ADK: variants seen among roughly 807,000 people sequenced by gnomAD.
ADK encodes N6,N6-dimethyladenosine kinase.
Under a neutral mutation model 44.7 loss-of-function variants are expected in ADK, and 24 were observed. The ratio of observed to expected loss-of-function variants is 0.54; its 90% CI spans 0.39 to 0.76. ADK has a LOEUF of 0.76. ADK is among the 30% of genes least tolerant of loss of function. The pLI, the probability that ADK is intolerant of heterozygous loss-of-function variation, is 0.00. For synonymous variants in ADK, 128 were observed against 142.6 expected (o/e 0.90, Z 0.73); for missense variants, 321 against 425.1 (o/e 0.76, Z 2.15).
intron 10 of ADK, among the ~76,000 whole-genome samples, chr10:74,703,009 A>G (rs1360941601): frequency 6.6e-6 from 1 of 152,214 alleles, no homozygotes; most frequent in Non-Finnish European, 1.5e-5. Flanking sequence ...CAGAATTCCT[A>G]TCACCAGTGC....
At chr10:74,390,799 G>A (rs1368083036) in intron 4 of ADK, among the ~76,000 whole-genome samples, 6 of 152,138 alleles carry the variant, frequency 3.9e-5, no homozygotes. Flanking sequence ...ATTGTAATAT[G>A]TGCCACCTTG....
At chr10:74,257,977 C>T (rs1025213402) in intron 3 of ADK, among the ~76,000 whole-genome samples, 1 of 152,198 alleles carries the variant, frequency 6.6e-6, no homozygotes, top group African/African-American at 2.4e-5. Flanking sequence ...TTACCACCCA[C>T]AAGGGTATTG....
At chr10:74,672,028 A>G (rs1021794201) in intron 10 of ADK, among the ~76,000 whole-genome samples, 1 of 152,222 alleles carries the variant, frequency 6.6e-6, no homozygotes, top group Non-Finnish European at 1.5e-5. Flanking sequence ...ACAGCTAGCT[A>G]CCATTTGTAT....
chr10:74,488,241 G>T (rs906430709), intron 6 of ADK, among the ~76,000 whole-genome samples: 2 of 151,740 alleles, frequency 1.3e-5, no homozygotes, highest in Admixed American at 6.6e-5. Flanking sequence ...TTAGATCCTT[G>T]ACTATATATT....
chr10:74,182,968 T>A (rs1019193062), intron 1 of ADK, among the ~76,000 whole-genome samples: 2 of 152,048 alleles, frequency 1.3e-5, no homozygotes, highest in African/African-American at 4.8e-5. Context: ...CTTGCTGGAG[T>A]GTGGTGGCAT....
intron 1 of ADK, among the ~76,000 whole-genome samples, chr10:74,200,450 C>T (rs1301641704): frequency 1.3e-5 from 2 of 148,846 alleles, no homozygotes; most frequent in African/African-American, 2.5e-5. Flanking sequence ...CACCATTGCA[C>T]TCCGGCCTGG....
chr10:74,523,446 C>G (rs1300011608), intron 6 of ADK, among the ~76,000 whole-genome samples: 1 of 151,970 alleles, frequency 6.6e-6, no homozygotes, highest in Non-Finnish European at 1.5e-5. Context: ...CATCACTTCT[C>G]CTCTCCTCAT....
chr10:74,372,300 C>T, intron 4 of ADK: 1 of 759,604 alleles, frequency 1.3e-6, no homozygotes, highest in Non-Finnish European at 2.4e-6. Context: ...GCCCTCTGCG[C>T]CTATTCATCA....
At chr10:74,702,832 C>T (rs1388416432) in intron 10 of ADK, among the ~76,000 whole-genome samples, 1 of 152,080 alleles carries the variant, frequency 6.6e-6, no homozygotes, top group African/African-American at 2.4e-5. Flanking sequence ...CTCCTGACCT[C>T]ATGATCTGCC....
At chr10:74,655,948 T>C (rs1854472605) in intron 9 of ADK, 2 of 697,822 alleles carry the variant, frequency 2.9e-6, no homozygotes, top group African/African-American at 3.5e-5. Context: ...TCCGAAAGGG[T>C]GCAACTCCTC....
chr10:74,181,278 A>C (rs1173705410), intron 1 of ADK, among the ~76,000 whole-genome samples: 1 of 152,020 alleles, frequency 6.6e-6, no homozygotes, highest in African/African-American at 2.4e-5. Context: ...CTAAATAATA[A>C]TTTTAAATGA....
chr10:74,353,247 T>C (rs1021867425), intron 4 of ADK, among the ~76,000 whole-genome samples: 1 of 152,156 alleles, frequency 6.6e-6, no homozygotes. Context: ...GATGAGTTCA[T>C]GTCCTTTGCA....
intron 3 of ADK, among the ~76,000 whole-genome samples, chr10:74,225,182 A>G (rs1844487498): frequency 6.6e-6 from 1 of 152,166 alleles, no homozygotes; most frequent in Non-Finnish European, 1.5e-5. Flanking sequence ...GGTTCAAGCA[A>G]TTCCCCTGCC....
At chr10:74,399,688 G>A (rs1843644109) in intron 6 of ADK, among the ~76,000 whole-genome samples, 1 of 151,622 alleles carries the variant, frequency 6.6e-6, no homozygotes, top group Admixed American at 6.6e-5. Flanking sequence ...TCTTGATACT[G>A]TATTTCTTGT....
chr10:74,405,475 G>T (rs11001031), intron 6 of ADK, among the ~76,000 whole-genome samples: 2 of 150,554 alleles, frequency 1.3e-5, no homozygotes, highest in African/African-American at 2.5e-5. Context: ...TTTTTTTTTA[G>T]ATTTTATTAT....
chr10:74,408,333 G>A lies in ADK; in HGVS notation c.555+9754G>A, dbSNP rs981728468. ...TAATAACTATGATTTATCTCTATGC[G>A]AATTCTGTATTGAGTTTTCCTCGAA... On this transcript the variant is annotated intron_variant, in intron 6 of 10. Transcript: ENST00000539909. Among the ~76,000 whole-genome samples the A allele has an allele frequency of 1.5e-4, 23 of 151,982 alleles. 1 individual carries two copies. The highest frequency in any genetic ancestry group is 6.3e-3 in the Middle Eastern group (2 of 316).
At chr10:74,672,833 C>T in intron 10 of ADK, among the ~76,000 whole-genome samples, 1 of 151,602 alleles carries the variant, frequency 6.6e-6, no homozygotes. Context: ...TTATTTTTAC[C>T]CCTATTTTAC....
At chr10:74,155,768 C>T (rs755627378) in intron 1 of ADK, among the ~76,000 whole-genome samples, 2 of 151,902 alleles carry the variant, frequency 1.3e-5, no homozygotes, top group Non-Finnish European at 2.9e-5. Flanking sequence ...CGCCTGACCT[C>T]GTGATCCACC....
At chr10:74,446,968 A>T (rs1367552975) in intron 6 of ADK, among the ~76,000 whole-genome samples, 1 of 152,080 alleles carries the variant, frequency 6.6e-6, no homozygotes, top group Non-Finnish European at 1.5e-5. Flanking sequence ...CTCCAGTAAT[A>T]GTTTTTGTCA....
Sources: allele counts gnomAD v4.1 joint callset (sites outside exome capture counted in the v4.1 genomes callset), GRCh38; gene constraint gnomAD v4.1.1; transcripts MANE v1.5; gene names NCBI Gene and HGNC (gene_info 2026-07-23, HGNC 2026-07-21).